Variants in AUTS2 observed in about 807,000 individuals in gnomAD.
AUTS2 encodes activator of transcription and developmental regulator AUTS2.
Under a neutral mutation model 112.4 loss-of-function variants are expected in AUTS2, and 17 were observed. The ratio of observed to expected loss-of-function variants is 0.15; its 90% CI spans 0.10 to 0.23. AUTS2 has a LOEUF of 0.23. Among genes scored for constraint, AUTS2 ranks in the 10% least tolerant of loss-of-function variants. The pLI, the probability that AUTS2 is intolerant of heterozygous loss-of-function variation, is 1.00. For missense variants in AUTS2, 1,510 were observed against 1,701.6 expected, an observed-to-expected ratio of 0.89 and a Z score of 1.98; for synonymous variants, 751 against 702.7, an observed-to-expected ratio of 1.07 and a Z score of -1.09.
intron 4 of AUTS2, among the ~76,000 whole-genome samples, chr7:70,392,661 A>T (rs1406460229): frequency 6.6e-6 from 1 of 152,228 alleles, no homozygotes; most frequent in South Asian, 2.1e-4. Context: ...TGTAAATAAC[A>T]TATTTTGAAA....
At chr7:70,345,126 T>A (rs1454356651) in intron 4 of AUTS2, among the ~76,000 whole-genome samples, 1 of 151,902 alleles carries the variant, frequency 6.6e-6, no homozygotes, top group African/African-American at 2.4e-5. Context: ...TTGTAGGGAG[T>A]GTGTGGTATT....
intron 2 of AUTS2, among the ~76,000 whole-genome samples, chr7:70,042,399 T>A (rs1801287308): frequency 6.6e-6 from 1 of 152,174 alleles, no homozygotes; most frequent in South Asian, 2.1e-4. Context: ...CCAGGAGTGA[T>A]AATGGTTTTT....
intron 5 of AUTS2, among the ~76,000 whole-genome samples, chr7:70,554,069 C>CTT (rs35888704): frequency 4.1e-5 from 4 of 98,164 alleles, no homozygotes; most frequent in Non-Finnish European, 6.4e-5. Context: ...TGCACCTGGC[C>CTT]TTTTTTTTTT....
At position 70,534,890 on chromosome 7, in the gene AUTS2, G is replaced by A. The variant is rs148567029; in HGVS notation, c.690+99109G>A. Among the ~76,000 whole-genome samples, 22 of 152,094 alleles carry A rather than the reference G, an allele frequency of 1.4e-4. No individual in the cohort carries two copies. In the East Asian group the frequency reaches 4.2e-3, roughly 29 times the overall value. On this transcript the variant is annotated intron_variant, in intron 5 of 18. Transcript: ENST00000342771. ...TTCACCAACAGGTTATAAGACTTCA[G>A]AATGTCACGAACTGGTGAAAAAAAA...
At chr7:69,651,951 C>A (rs188218192) in intron 1 of AUTS2, among the ~76,000 whole-genome samples, 21 of 152,160 alleles carry the variant, frequency 1.4e-4, no homozygotes, top group Admixed American at 6.5e-4. Context: ...TAAGTTTTTT[C>A]TTTAGTTTTT....
At chr7:70,263,545 C>T (rs1406020418) in intron 4 of AUTS2, among the ~76,000 whole-genome samples, 3 of 152,144 alleles carry the variant, frequency 2.0e-5, no homozygotes, top group Non-Finnish European at 2.9e-5. Flanking sequence ...TTCATTTCTT[C>T]AAAATGAATA....
intron 4 of AUTS2, among the ~76,000 whole-genome samples, chr7:70,148,797 T>G (rs1213193384): frequency 6.6e-6 from 1 of 152,106 alleles, no homozygotes; most frequent in African/African-American, 2.4e-5. Flanking sequence ...TTACAACTTT[T>G]AAAAGTGAAA....
At chr7:69,795,247 C>G (rs574021554) in intron 1 of AUTS2, among the ~76,000 whole-genome samples, 3 of 151,994 alleles carry the variant, frequency 2.0e-5, no homozygotes, top group Non-Finnish European at 4.4e-5. Flanking sequence ...GTTTTGTGAC[C>G]TTAGAATTTA....
intron 4 of AUTS2, among the ~76,000 whole-genome samples, chr7:70,257,783 T>C (rs1786961674): frequency 6.6e-6 from 1 of 152,148 alleles, no homozygotes; most frequent in African/African-American, 2.4e-5. Flanking sequence ...ATTCTGAGGC[T>C]ACTACTACTC....
chr7:69,967,269 A>C (rs1199394286), intron 2 of AUTS2, among the ~76,000 whole-genome samples: 1 of 152,032 alleles, frequency 6.6e-6, no homozygotes, highest in Admixed American at 6.6e-5. Context: ...TTCATTATTC[A>C]TCCCGTGGGA....
intron 1 of AUTS2, among the ~76,000 whole-genome samples, chr7:69,814,017 C>T (rs1339553024): frequency 6.6e-6 from 1 of 152,162 alleles, no homozygotes; most frequent in African/African-American, 2.4e-5. Context: ...GAACTTTGGG[C>T]CTTGCCAGCA....
At chr7:70,604,480 A>T (rs1803630640) in intron 5 of AUTS2, among the ~76,000 whole-genome samples, 1 of 152,250 alleles carries the variant, frequency 6.6e-6, no homozygotes, top group East Asian at 1.9e-4. Context: ...CAGCATGCCC[A>T]ATGATCAACA....
At chr7:70,061,455 C>T (rs1802241030) in intron 2 of AUTS2, among the ~76,000 whole-genome samples, 1 of 152,166 alleles carries the variant, frequency 6.6e-6, no homozygotes, top group Admixed American at 6.5e-5. Context: ...TTAATTAAAG[C>T]TTCCTATTAA....
intron 4 of AUTS2, among the ~76,000 whole-genome samples, chr7:70,363,600 G>A (rs889982641): frequency 6.6e-6 from 1 of 151,346 alleles, no homozygotes; most frequent in African/African-American, 2.4e-5. Context: ...AAATATTCTG[G>A]TTTGCTGTTT....
At chr7:70,114,924 T>C (rs1487188085) in intron 2 of AUTS2, among the ~76,000 whole-genome samples, 1 of 152,244 alleles carries the variant, frequency 6.6e-6, no homozygotes, top group Non-Finnish European at 1.5e-5. Flanking sequence ...AATATTGAGC[T>C]GTCTGACAGC....
chr7:70,112,652 C>T (rs73160171), intron 2 of AUTS2, among the ~76,000 whole-genome samples: 5,856 of 151,976 alleles, frequency 0.039, 154 homozygotes, highest in Middle Eastern at 0.082. Context: ...TACCTTTCAT[C>T]ACTATAAAAT....
At chr7:69,971,010 C>A (rs1797825823) in intron 2 of AUTS2, among the ~76,000 whole-genome samples, 1 of 151,952 alleles carries the variant, frequency 6.6e-6, no homozygotes, top group African/African-American at 2.4e-5. Flanking sequence ...TCATTATCTG[C>A]AAAATTAAAA....
chr7:70,080,725 A>G (rs1257926364), intron 2 of AUTS2, among the ~76,000 whole-genome samples: 3 of 152,208 alleles, frequency 2.0e-5, no homozygotes, highest in African/African-American at 7.2e-5. Flanking sequence ...TCTTGTGTAA[A>G]TGGTGAGATT....
chr7:69,810,913 A>G (rs1790518968), intron 1 of AUTS2, among the ~76,000 whole-genome samples: 1 of 152,224 alleles, frequency 6.6e-6, no homozygotes, highest in African/African-American at 2.4e-5. Context: ...TTTACAGCAT[A>G]TTCAACATTT....
Sources: gnomAD v4.1 joint callset for allele counts (sites outside exome capture counted in the v4.1 genomes callset) on GRCh38, gnomAD v4.1.1 for gene constraint, MANE v1.5 for transcripts, NCBI Gene and HGNC (gene_info 2026-07-23, HGNC 2026-07-21) for gene names.